The following VPS13B variants were observed in gnomAD, a reference collection of about 807,000 sequenced individuals.
VPS13B encodes intermembrane lipid transfer protein VPS13B.
A neutral mutation model predicts 426.4 loss-of-function variants in VPS13B; 285 were observed. That is an observed-to-expected ratio of 0.67 (90% CI 0.61 to 0.74). VPS13B has a LOEUF of 0.74. Ranked by LOEUF, VPS13B falls within the 30% of genes least tolerant of loss-of-function variation. The pLI is 0.00. For missense variants in VPS13B, 4,537 were observed against 4,782.6 expected (o/e 0.95, Z 1.51); for synonymous variants, 1,676 against 1,676.4 (o/e 1.00, Z 0.01).
intron 33 of VPS13B, among the ~76,000 whole-genome samples, chr8:99,586,755 T>C (rs1408347901): frequency 6.6e-6 from 1 of 152,180 alleles, no homozygotes; most frequent in Non-Finnish European, 1.5e-5. Context: ...GTGGCCATAC[T>C]GTCCAAAGTA....
rs190917106 is a variant in VPS13B at position 99,641,013 on chromosome 8, C to A, written c.5221-798C>A. Among the ~76,000 whole-genome samples, 1,018 of 152,214 alleles carry A rather than the reference C, an allele frequency of 6.7e-3. 5 individuals are homozygous for A. The highest frequency in any genetic ancestry group is 0.011 in the Non-Finnish European group (748 of 68,012). On this transcript the variant is annotated intron_variant, in intron 33 of 61. Transcript: ENST00000357162. ...AGTTGCAGACTGATGGTTAGGCAGT[C>A]TAAGAAAGAGGAACTGATGTTCTTG...
intron 4 of VPS13B, among the ~76,000 whole-genome samples, chr8:99,102,607 T>C (rs1239367177): frequency 6.6e-6 from 1 of 152,198 alleles, no homozygotes; most frequent in Non-Finnish European, 1.5e-5. Context: ...AATGTTTATA[T>C]AATACAATAA....
intron 2 of VPS13B, among the ~76,000 whole-genome samples, chr8:99,031,818 C>T (rs1449182240): frequency 6.6e-6 from 1 of 152,216 alleles, no homozygotes; most frequent in Non-Finnish European, 1.5e-5. Context: ...TTTCTGATTA[C>T]AGTGTCCAAG....
intron 5 of VPS13B, 87 bp downstream of exon 5, chr8:99,103,207 GC>G: frequency 4.1e-6 from 6 of 1,462,708 alleles, no homozygotes; most frequent in Non-Finnish European, 5.7e-6. Context: ...CAACTGAGTT[GC>G]TGGTAAATGT....
chr8:99,573,524 C>T (rs1470972005), intron 31 of VPS13B, among the ~76,000 whole-genome samples: 3 of 152,144 alleles, frequency 2.0e-5, no homozygotes, highest in African/African-American at 7.2e-5. Context: ...ATATGGCTAG[C>T]CAGTTTTCCC....
chr8:99,854,124 A>C lies in VPS13B; in HGVS notation c.10735A>C (p.Lys3579Gln). The C allele has an allele frequency of 6.2e-7, 1 of 1,611,938 alleles. No individual in the cohort carries two copies. Among genetic ancestry groups the C allele is most frequent in the Non-Finnish European group, 8.5e-7 (1 of 1,179,380 alleles). ...NLLVSIHASLKLYIASDHTPL... is the reference protein window; with the variant it reads ...NLLVSIHASLQLYIASDHTPL... The stretch of plus-strand genomic sequence containing the variant: ...GCTCGTCAGCATCCACGCTTCCCTC[A>C]AGCTGTACATAGCCTCAGACCACAC... Residue 3579 changes from lysine (K) to glutamine (Q), a missense_variant, in exon 56 of 62, where the codon AAG becomes CAG. Transcript: ENST00000357162.
rs1221077427 is a variant in VPS13B, at chr8:99,753,303, G to T, written c.7051-13471G>T. On this transcript the variant is annotated intron_variant, in intron 39 of 61. Coordinates refer to ENST00000357162, the MANE Select transcript of VPS13B (RefSeq NM_152564.5). ...AAACTAAGGCTTACGTTGGTTAGGT[G>T]ACTTTAACTCAAGATGACAAAACTA... Among the ~76,000 whole-genome samples, 4 of 152,262 alleles carry T rather than the reference G, an allele frequency of 2.6e-5. No individual in the cohort carries two copies. In the East Asian group the frequency reaches 7.7e-4, roughly 29 times the overall value.
intron 15 of VPS13B, among the ~76,000 whole-genome samples, chr8:99,165,032 G>A (rs1298352111): frequency 6.6e-6 from 1 of 152,160 alleles, no homozygotes; most frequent in South Asian, 2.1e-4. Context: ...GCATGGATCT[G>A]TATGGAAAAT....
chr8:99,780,600 G>T (rs189644333), intron 42 of VPS13B, among the ~76,000 whole-genome samples: 1 of 152,032 alleles, frequency 6.6e-6, no homozygotes, highest in Non-Finnish European at 1.5e-5. Flanking sequence ...CATATGTCAC[G>T]TAGCATATTG....
At chr8:99,604,414 T>A (rs986414208) in intron 33 of VPS13B, among the ~76,000 whole-genome samples, 2 of 152,072 alleles carry the variant, frequency 1.3e-5, no homozygotes, top group South Asian at 2.1e-4. Flanking sequence ...TGTTCCAGGA[T>A]CATCCTGGAT....
At chr8:99,740,981 C>A (rs1367289215) in intron 39 of VPS13B, among the ~76,000 whole-genome samples, 1 of 152,054 alleles carries the variant, frequency 6.6e-6, no homozygotes, top group Admixed American at 6.5e-5. Flanking sequence ...CAATATTAAC[C>A]TTAAATGTAA....
intron 19 of VPS13B, among the ~76,000 whole-genome samples, chr8:99,368,962 G>A (rs765025987): frequency 6.6e-5 from 10 of 152,136 alleles, no homozygotes; most frequent in Non-Finnish European, 1.5e-4. Flanking sequence ...TGTTGCACAA[G>A]GTGGTGTCTA....
At chr8:99,534,500 C>T (rs1461527182) in intron 30 of VPS13B, among the ~76,000 whole-genome samples, 1 of 152,046 alleles carries the variant, frequency 6.6e-6, no homozygotes, top group African/African-American at 2.4e-5. Flanking sequence ...ATACTTCTTT[C>T]TAATATATTT....
chr8:99,721,289 A>G (rs1443154747), intron 39 of VPS13B, among the ~76,000 whole-genome samples: 11 of 152,126 alleles, frequency 7.2e-5, no homozygotes, highest in Non-Finnish European at 1.5e-4. Flanking sequence ...TCTACTCTCC[A>G]TTTTATTGTG....
chr8:99,223,636 A>G (rs145102075), intron 17 of VPS13B, among the ~76,000 whole-genome samples: 2 of 152,334 alleles, frequency 1.3e-5, no homozygotes, highest in East Asian at 3.9e-4. Context: ...AATAGTACAA[A>G]GGATATATGG....
intron 19 of VPS13B, among the ~76,000 whole-genome samples, chr8:99,286,584 G>A (rs1819455385): frequency 6.6e-6 from 1 of 152,144 alleles, no homozygotes; most frequent in Admixed American, 6.6e-5. Flanking sequence ...TAATTATTTT[G>A]CATTGCTATC....
At chr8:99,530,770 T>C (rs1161736091) in intron 30 of VPS13B, among the ~76,000 whole-genome samples, 3 of 152,146 alleles carry the variant, frequency 2.0e-5, no homozygotes, top group Non-Finnish European at 4.4e-5. Context: ...ATGAGTCAGG[T>C]ATTATGATTA....
chr8:99,340,681 T>C (rs1284016399), intron 19 of VPS13B: 1 of 400,868 alleles, frequency 2.5e-6, no homozygotes, highest in Non-Finnish European at 4.8e-6. Flanking sequence ...TAGTTGAAGA[T>C]GATGCACAGG....
At position 99,115,805 on chromosome 8, in the gene VPS13B, G is replaced by A. The variant is rs1563549046; in HGVS notation, c.868G>A (p.Gly290Ser). The A allele has an allele frequency of 6.2e-7, 1 of 1,613,578 alleles. No homozygotes were observed. The highest frequency in any genetic ancestry group is 2.2e-5 in the East Asian group (1 of 44,778). Residue 290 changes from glycine to serine, a missense_variant, in exon 7 of 62, where the codon GGC (glycine) becomes AGC (serine). Gly to Ser is a moderately conservative substitution (Grantham distance 56). Coordinates refer to ENST00000357162, the MANE Select transcript of VPS13B (RefSeq NM_152564.5). ...AATTGCTCTTTACTATGGAGAAATA[G>A]GCAATTTTAAAGAAGGCGAAATAGA... Reference protein sequence around the residue: ...LGIALYYGEIGNFKEGEIEDL... With the variant: ...LGIALYYGEISNFKEGEIEDL...
Sources: gnomAD v4.1 joint callset for allele counts (sites outside exome capture counted in the v4.1 genomes callset) on GRCh38, gnomAD v4.1.1 for gene constraint, MANE v1.5 for transcripts, NCBI Gene and HGNC (gene_info 2026-07-23, HGNC 2026-07-21) for gene names.